The following TFDP2 variants were observed in gnomAD, a reference collection of about 807,000 sequenced individuals.
TFDP2 encodes the protein transcription factor Dp-2 (E2F dimerization partner 2).
In TFDP2, 17 loss-of-function variants were observed where a neutral mutation model predicts 59.3. The ratio of observed to expected loss-of-function variants is 0.29; its 90% CI spans 0.20 to 0.43. The LOEUF is 0.43. Ranked by LOEUF, TFDP2 falls within the 20% of genes least tolerant of loss-of-function variation. TFDP2 has a pLI of 1.00. For missense variants in TFDP2, 391 were observed against 528.8 expected, an observed-to-expected ratio of 0.74 and a Z score of 2.56; for synonymous variants, 180 against 194.7, an observed-to-expected ratio of 0.92 and a Z score of 0.63.
chr3:142,146,375 T>A (rs1406049164), intron 1 of TFDP2, among the ~76,000 whole-genome samples: 1 of 152,112 alleles, frequency 6.6e-6, no homozygotes, highest in Admixed American at 6.6e-5. Flanking sequence ...CACAACCCAT[T>A]CTAAATGACT....
At chr3:142,011,590 T>TAAAAA (rs386398107) in intron 3 of TFDP2, among the ~76,000 whole-genome samples, 5 of 63,786 alleles carry the variant, frequency 7.8e-5, no homozygotes, top group Admixed American at 1.8e-4. Context: ...TAAAGTATAA[T>TAAAAA]AAAAAAAAAA....
chr3:142,132,475 C>T (rs1319205172), intron 1 of TFDP2, among the ~76,000 whole-genome samples: 1 of 149,786 alleles, frequency 6.7e-6, no homozygotes, highest in Non-Finnish European at 1.5e-5. Context: ...TGGTGGCTCA[C>T]ACCTGTAATT....
In TFDP2 at chr3:141,949,509, G is replaced by A. The variant is rs1194461495; in HGVS notation, c.*3004C>T. ...CAGCGGGGAAGAGGAAGGCAGCCTA[G>A]TAGGCACCTGGGGCCCGTAAGCGCT... On this transcript the variant is annotated 3_prime_UTR_variant, in exon 13 of 13. Transcript: ENST00000489671. 1 of 152,564 alleles carries A rather than the reference G, an allele frequency of 6.6e-6. No homozygotes were observed. Among genetic ancestry groups the A allele is most frequent in the Non-Finnish European group, 1.5e-5 (1 of 68,344 alleles). The allele number at this position is 152,564 out of a possible 1,614,324, so 9.5% of individuals were successfully genotyped here. A position where few individuals can be genotyped will look rare whatever the true frequency, so the allele number is the denominator to read the frequency against.
At chr3:142,062,997 T>TA (rs1418047295) in intron 3 of TFDP2, among the ~76,000 whole-genome samples, 1 of 152,206 alleles carries the variant, frequency 6.6e-6, no homozygotes, top group Non-Finnish European at 1.5e-5. Flanking sequence ...GGCATGCTTC[T>TA]AGGGTGCTGG....
Position 141,959,698 on chromosome 3 carries a change from T to C in TFDP2, c.1027A>G (p.Lys343Glu). The C allele has an allele frequency of 6.2e-7, 1 of 1,614,142 alleles. No individual in the cohort carries two copies. The highest frequency in any genetic ancestry group is 8.5e-7 in the Non-Finnish European group (1 of 1,180,020). ...DLKLAKSLVP[K>E]ALEGYITDIS... ...CCTGTGATATAACCTTCTAAAGCCTTTGGCACCAGGGATTTCGCAAGTTTC... is the reference window on the plus strand; with the variant it reads ...CCTGTGATATAACCTTCTAAAGCCTCTGGCACCAGGGATTTCGCAAGTTTC... Residue 343 changes from lysine (K) to glutamate (E), a missense_variant, in exon 11 of 13, where the codon AAG (lysine) becomes GAG (glutamate). Around this residue, in one of 3 missense-constraint regions of TFDP2, gnomAD observed 223 missense variants for 292.5 expected, o/e 0.76. Transcript: ENST00000489671.
chr3:142,089,382 A>G (rs1420957559), intron 3 of TFDP2, among the ~76,000 whole-genome samples: 1 of 152,204 alleles, frequency 6.6e-6, no homozygotes. Context: ...AAATTGTCAT[A>G]TGTGAAGAAC....
chr3:142,115,315 CT>C (rs906368574), intron 1 of TFDP2, among the ~76,000 whole-genome samples: 2,175 of 130,966 alleles, frequency 0.017, 20 homozygotes, highest in Non-Finnish European at 0.027. Flanking sequence ...CACGCATTTT[CT>C]TTTTTTTTTT....
Position 142,101,787 on chromosome 3 carries a change from TA to T in TFDP2, c.-39del. On this transcript the variant is annotated 5_prime_UTR_variant, in exon 2 of 13. Coordinates refer to ENST00000489671, the MANE Select transcript of TFDP2 (RefSeq NM_001178139.2). Reference sequence around the variant, plus strand: ...TCTATTTAAGATTCTGTAAAGCCATTAAAAAAATAAAAAGAAAAAAACCTTC... The same window carrying T: ...TCTATTTAAGATTCTGTAAAGCCATTAAAAAATAAAAAGAAAAAAACCTTC... 3.2e-6 allele frequency: 4 copies of T among 1,236,854 alleles called. No individual in the cohort carries two copies. Among genetic ancestry groups the T allele is most frequent in the African/African-American group, 1.5e-5 (1 of 66,106 alleles). The allele number at this position is 1,236,854 out of a possible 1,614,324, so 76.6% of individuals were successfully genotyped here.
At chr3:142,038,899 G>A (rs1006350874) in intron 3 of TFDP2, among the ~76,000 whole-genome samples, 3 of 152,054 alleles carry the variant, frequency 2.0e-5, no homozygotes, top group African/African-American at 7.2e-5. Context: ...TAACAATGCC[G>A]TGATAGGCAC....
intron 1 of TFDP2, among the ~76,000 whole-genome samples, chr3:142,137,542 A>G (rs1385548127): frequency 3.3e-5 from 5 of 152,116 alleles, no homozygotes; most frequent in African/African-American, 1.2e-4. Flanking sequence ...TATTATTTTG[A>G]GATACATTCC....
chr3:142,043,320 T>A (rs1947120120), intron 3 of TFDP2, among the ~76,000 whole-genome samples: 1 of 152,062 alleles, frequency 6.6e-6, no homozygotes, highest in Admixed American at 6.6e-5. Flanking sequence ...GTGCTGGGAT[T>A]ACAGGCGTGA....
At chr3:142,135,758 T>C (rs2062704554) in intron 1 of TFDP2, among the ~76,000 whole-genome samples, 1 of 152,132 alleles carries the variant, frequency 6.6e-6, no homozygotes, top group Non-Finnish European at 1.5e-5. Context: ...GGCTGCATAG[T>C]ATTCCATGGG....
At chr3:141,978,286 AGTG>A (rs1941010601) in intron 7 of TFDP2, among the ~76,000 whole-genome samples, 1 of 130,320 alleles carries the variant, frequency 7.7e-6, no homozygotes, top group Non-Finnish European at 1.9e-5. Flanking sequence ...CAGAGGTTGC[AGTG>A]AGCCGAGATC....
intron 3 of TFDP2, among the ~76,000 whole-genome samples, chr3:142,026,739 T>A (rs1052745186): frequency 6.6e-6 from 1 of 152,206 alleles, no homozygotes; most frequent in African/African-American, 2.4e-5. Context: ...CATTATGAAT[T>A]CCAAAAATTC....
In TFDP2 at chr3:141,948,148, T is replaced by G. The variant is rs1420858052; in HGVS notation, c.*4365A>C. On this transcript the variant is annotated 3_prime_UTR_variant, in exon 13 of 13. Transcript: ENST00000489671. ...TACTTACCACTAAGGCAGCACAGTT[T>G]TAAGGTCTATTTCAGACTTGTTGGG... 1.3e-5 allele frequency: 2 copies of G among 152,268 alleles called. No homozygotes were observed. The highest frequency in any genetic ancestry group is 6.5e-5 in the Admixed American group (1 of 15,288). 9.4% of individuals were successfully genotyped at this position (152,268 alleles called of 1,614,324 possible).
intron 1 of TFDP2, among the ~76,000 whole-genome samples, chr3:142,144,116 G>A (rs889471751): frequency 6.6e-6 from 1 of 152,192 alleles, no homozygotes; most frequent in African/African-American, 2.4e-5. Flanking sequence ...GCTCACATCT[G>A]TAATCCCAGC....
chr3:142,046,353 G>A (rs1947346543), intron 3 of TFDP2, among the ~76,000 whole-genome samples: 1 of 152,124 alleles, frequency 6.6e-6, no homozygotes, highest in South Asian at 2.1e-4. Context: ...CTTAATCTGT[G>A]TGTCTGTCTA....
rs2060960443 is a variant in TFDP2 at position 142,090,393 on chromosome 3, C to T, written c.82+2668G>A. On this transcript the variant is annotated intron_variant, in intron 3 of 12. Transcript: ENST00000489671. ...TAAAGTTAAACAAACTGAGGTTTTA[C>T]TCTGTAACTAAACTTTACTGGTGTT... Among the ~76,000 whole-genome samples the T allele has an allele frequency of 5.9e-5, 9 of 152,302 alleles. No individual in the cohort carries two copies. The South Asian group carries it at 1.9e-3, about 32-fold the overall frequency.
chr3:142,101,385 A>G (rs2061316299), intron 2 of TFDP2, among the ~76,000 whole-genome samples: 1 of 152,004 alleles, frequency 6.6e-6, no homozygotes, highest in Non-Finnish European at 1.5e-5. Context: ...TAAGCCAAAG[A>G]AAACAGTGAT....
Sources: allele counts gnomAD v4.1 joint callset (sites outside exome capture counted in the v4.1 genomes callset), GRCh38; gene constraint gnomAD v4.1.1; regional missense constraint gnomAD v4.1.1; transcripts MANE v1.5; gene names NCBI Gene and HGNC (gene_info 2026-07-23, HGNC 2026-07-21).